Variants in HS6ST3 observed in about 807,000 individuals in gnomAD.
HS6ST3 encodes the protein heparan sulfate 6-O-sulfotransferase 3.
Under a neutral mutation model 36.7 loss-of-function variants are expected in HS6ST3, and 12 were observed. The observed-to-expected ratio is 0.33, with a 90% CI of 0.21 to 0.53. HS6ST3 has a LOEUF of 0.53. Among genes scored for constraint, HS6ST3 ranks in the 20% least tolerant of loss-of-function variants. The pLI, the probability that HS6ST3 is intolerant of heterozygous loss-of-function variation, is 0.95. For missense variants in HS6ST3, 584 were observed against 640.9 expected (o/e 0.91, Z 0.96); for synonymous variants, 240 against 257.5 (o/e 0.93, Z 0.65).
At chr13:96,354,433 A>C (rs991589042) in intron 1 of HS6ST3, among the ~76,000 whole-genome samples, 1 of 152,180 alleles carries the variant, frequency 6.6e-6, no homozygotes, top group Admixed American at 6.5e-5. Flanking sequence ...TCTTAATTTC[A>C]ATCATTATTT....
chr13:96,225,883 A>G (rs934550003), intron 1 of HS6ST3, among the ~76,000 whole-genome samples: 1 of 152,196 alleles, frequency 6.6e-6, no homozygotes, highest in African/African-American at 2.4e-5. Flanking sequence ...AGTATAGAGA[A>G]GTAGCTTATA....
intron 1 of HS6ST3, among the ~76,000 whole-genome samples, chr13:96,431,700 A>G (rs1594778812): frequency 3.3e-5 from 5 of 152,202 alleles, no homozygotes; most frequent in Admixed American, 3.3e-4. Flanking sequence ...CAGCTTGAAT[A>G]AAACAAATAG....
chr13:96,770,059 G>A (rs938125351), intron 1 of HS6ST3, among the ~76,000 whole-genome samples: 75 of 152,062 alleles, frequency 4.9e-4, no homozygotes, highest in African/African-American at 1.8e-3. Flanking sequence ...ACGCTCAGAA[G>A]TACTGGATAA....
chr13:96,351,335 T>TTTTTTTTTTTTTTTTTTTTTA (rs1203595829), intron 1 of HS6ST3, among the ~76,000 whole-genome samples: 1 of 146,366 alleles, frequency 6.8e-6, no homozygotes, highest in African/African-American at 2.6e-5. Context: ...TTTTTTTTTT[T>TTTTTTTTTTTTTTTTTTTTTA]AAAAAAAACA....
chr13:96,367,768 C>T (rs1320654618), intron 1 of HS6ST3, among the ~76,000 whole-genome samples: 1 of 152,176 alleles, frequency 6.6e-6, no homozygotes, highest in Non-Finnish European at 1.5e-5. Flanking sequence ...AGGAAGTAAG[C>T]AGATCATATC....
chr13:96,317,356 A>ATAAAAAAT lies in HS6ST3; in HGVS notation c.707+225789_707+225790insAAAAATTA, dbSNP rs1555297614. On this transcript the variant is annotated intron_variant, in intron 1 of 1. Transcript: ENST00000376705. Reference sequence around the variant, plus strand: ...TATATATATATATATATATATATATATATATATATATAAAATTATATATAT... The same window carrying ATAAAAAAT: ...TATATATATATATATATATATATATATAAAAAATTATATATATATAAAATTATATATAT... Among the ~76,000 whole-genome samples the ATAAAAAAT allele has an allele frequency of 4.9e-4, 7 of 14,218 alleles. 1 individual carries two copies. The highest frequency in any genetic ancestry group is 1.1e-3 in the African/African-American group (7 of 6,598). 9.3% of individuals were successfully genotyped at this position (14,218 alleles called of 152,430 possible). A position where few individuals can be genotyped will look rare whatever the true frequency, so the allele number is the denominator to read the frequency against.
intron 1 of HS6ST3, among the ~76,000 whole-genome samples, chr13:96,365,958 T>C (rs2055260678): frequency 6.6e-6 from 1 of 152,184 alleles, no homozygotes; most frequent in African/African-American, 2.4e-5. Flanking sequence ...ATAAGCTTGT[T>C]GTCATATTAA....
At chr13:96,623,202 AT>A (rs1184353189) in intron 1 of HS6ST3, among the ~76,000 whole-genome samples, 31 of 152,274 alleles carry the variant, frequency 2.0e-4, no homozygotes, top group Non-Finnish European at 3.8e-4. Context: ...TCCCAGGAGT[AT>A]TACCAGCCAA....
At chr13:96,327,389 T>C (rs1298261367) in intron 1 of HS6ST3, among the ~76,000 whole-genome samples, 2 of 152,140 alleles carry the variant, frequency 1.3e-5, no homozygotes, top group Non-Finnish European at 1.5e-5. Flanking sequence ...GTTTCAGCTT[T>C]CTACATATGG....
rs60692669 is a variant in HS6ST3, at chr13:96,132,121, T to TACACACACACAC, written c.707+40592_707+40603dup. ...TTTTTCAGACTGAATAGTATTCCAG[T>TACACACACACAC]ACACACACACACACACACACACACA... On this transcript the variant is annotated intron_variant, in intron 1 of 1. Coordinates refer to ENST00000376705, the MANE Select transcript of HS6ST3 (RefSeq NM_153456.4). Among the ~76,000 whole-genome samples, 7 of 134,486 alleles carry TACACACACACAC rather than the reference T, an allele frequency of 5.2e-5. 1 individual carries two copies. Among genetic ancestry groups the TACACACACACAC allele is most frequent in the East Asian group, 2.3e-4 (1 of 4,410 alleles). 88.2% of individuals were successfully genotyped at this position (134,486 alleles called of 152,430 possible). A position where few individuals can be genotyped will look rare whatever the true frequency, so the allele number is the denominator to read the frequency against.
At position 96,694,449 on chromosome 13, in the gene HS6ST3, A is replaced by G. The variant is rs375053880; in HGVS notation, c.708-138041A>G. On this transcript the variant is annotated intron_variant, in intron 1 of 1. Transcript: ENST00000376705. Reference sequence around the variant, plus strand: ...TTTATGTTGATTCCATGTCTTTGCTATTGTAAAGAGTGCTGAAATGAATAT... The same window carrying G: ...TTTATGTTGATTCCATGTCTTTGCTGTTGTAAAGAGTGCTGAAATGAATAT... Among the ~76,000 whole-genome samples, 5 of 152,240 alleles carry G rather than the reference A, an allele frequency of 3.3e-5. No homozygotes were observed. In the East Asian group the frequency reaches 7.7e-4, roughly 24 times the overall value.
At chr13:96,560,934 C>A (rs551429316) in intron 1 of HS6ST3, among the ~76,000 whole-genome samples, 2 of 152,162 alleles carry the variant, frequency 1.3e-5, no homozygotes, top group Admixed American at 1.3e-4. Flanking sequence ...ATTGGAAGAA[C>A]CAATAATATC....
At chr13:96,267,777 A>T (rs753735073) in intron 1 of HS6ST3, among the ~76,000 whole-genome samples, 4 of 152,030 alleles carry the variant, frequency 2.6e-5, no homozygotes, top group African/African-American at 4.8e-5. Context: ...CAAGAATTTC[A>T]TGTGGTGGAG....
intron 1 of HS6ST3, among the ~76,000 whole-genome samples, chr13:96,748,105 A>G (rs942399963): frequency 6.6e-6 from 1 of 152,070 alleles, no homozygotes; most frequent in Non-Finnish European, 1.5e-5. Context: ...TGTTGTTACA[A>G]AACAAATACT....
chr13:96,490,757 G>A (rs1309086099), intron 1 of HS6ST3, among the ~76,000 whole-genome samples: 1 of 152,116 alleles, frequency 6.6e-6, no homozygotes, highest in African/African-American at 2.4e-5. Context: ...TTAAATATAG[G>A]GCTTTTCACA....
At chr13:96,405,936 T>C (rs2055476252) in intron 1 of HS6ST3, among the ~76,000 whole-genome samples, 1 of 152,212 alleles carries the variant, frequency 6.6e-6, no homozygotes, top group Non-Finnish European at 1.5e-5. Context: ...AATTCAGAGA[T>C]TTGGAAAGTT....
chr13:96,204,645 C>G (rs1004197855), intron 1 of HS6ST3, among the ~76,000 whole-genome samples: 5 of 152,106 alleles, frequency 3.3e-5, no homozygotes, highest in Non-Finnish European at 7.4e-5. Flanking sequence ...ACAACAGTCT[C>G]TCAGACCACA....
At chr13:96,094,144 A>G (rs767271859) in intron 1 of HS6ST3, among the ~76,000 whole-genome samples, 2 of 152,154 alleles carry the variant, frequency 1.3e-5, no homozygotes, top group Non-Finnish European at 2.9e-5. Flanking sequence ...ACCCAGGAGT[A>G]AGTTACTTTT....
At chr13:96,416,820 T>C (rs1429287127) in intron 1 of HS6ST3, among the ~76,000 whole-genome samples, 1 of 151,206 alleles carries the variant, frequency 6.6e-6, no homozygotes, top group Non-Finnish European at 1.5e-5. Flanking sequence ...TGGCACGATC[T>C]CGGCTCACTG....
Sources: allele counts gnomAD v4.1 joint callset (sites outside exome capture counted in the v4.1 genomes callset), GRCh38; gene constraint gnomAD v4.1.1; transcripts MANE v1.5; gene names NCBI Gene and HGNC (gene_info 2026-07-23, HGNC 2026-07-21).